Variants in FGF14 observed in about 807,000 individuals in gnomAD.
The protein encoded by FGF14 is fibroblast growth factor homologous factor 4.
In FGF14, 5 loss-of-function variants were observed where a neutral mutation model predicts 25.5. The ratio of observed to expected loss-of-function variants is 0.20; its 90% CI spans 0.10 to 0.41. FGF14 has a LOEUF of 0.41. Among genes scored for constraint, FGF14 ranks in the 10% least tolerant of loss-of-function variants. The pLI is 1.00. For synonymous variants in FGF14, 138 were observed against 118.3 expected (o/e 1.17, Z -1.08); for missense variants, 222 against 320.1 (o/e 0.69, Z 2.34).
intron 3 of FGF14, among the ~76,000 whole-genome samples, chr13:101,855,214 C>T (rs2044063420): frequency 6.6e-6 from 1 of 152,002 alleles, no homozygotes; most frequent in African/African-American, 2.4e-5. Flanking sequence ...TTAACAGTGA[C>T]TCTGGGCTTT....
At chr13:102,077,543 G>A (rs778339825) in intron 1 of FGF14, among the ~76,000 whole-genome samples, 4 of 152,056 alleles carry the variant, frequency 2.6e-5, no homozygotes, top group South Asian at 2.1e-4. Flanking sequence ...AAAAATGTTC[G>A]GCATCACTAA....
chr13:102,293,862 T>C (rs2054556988), intron 1 of FGF14: 1 of 152,194 alleles, frequency 6.6e-6, no homozygotes, highest in South Asian at 2.1e-4. Context: ...ATAACGAATA[T>C]TTTTGGCATC....
At chr13:101,893,781 G>A (rs531449954) in intron 1 of FGF14, among the ~76,000 whole-genome samples, 1 of 152,264 alleles carries the variant, frequency 6.6e-6, no homozygotes, top group Admixed American at 6.5e-5. Flanking sequence ...AGCCTGGCGA[G>A]ATCCACGTCA....
intron 1 of FGF14, among the ~76,000 whole-genome samples, chr13:101,959,499 G>A (rs531133181): frequency 7.2e-5 from 11 of 152,178 alleles, no homozygotes; most frequent in East Asian, 1.9e-4. Flanking sequence ...ACTTTCAGTC[G>A]CATATTTGTT....
intron 1 of FGF14, among the ~76,000 whole-genome samples, chr13:102,276,594 C>G (rs1206443708): frequency 2.0e-5 from 3 of 151,838 alleles, no homozygotes; most frequent in Non-Finnish European, 4.4e-5. Context: ...GTTTGAAAGC[C>G]TTTGGTGCAT....
intron 3 of FGF14, among the ~76,000 whole-genome samples, chr13:101,814,515 A>G (rs903850813): frequency 2.6e-5 from 4 of 152,314 alleles, no homozygotes; most frequent in African/African-American, 7.2e-5. Context: ...CATAACCACA[A>G]TTCAGTTTTA....
chr13:101,922,642 A>G (rs149848445), intron 1 of FGF14, among the ~76,000 whole-genome samples: 2,135 of 152,258 alleles, frequency 0.014, 118 homozygotes, highest in Admixed American at 0.1. Flanking sequence ...TATAAATATT[A>G]AAGTATATAA....
chr13:102,126,549 C>T (rs926573518), intron 1 of FGF14, among the ~76,000 whole-genome samples: 16 of 152,180 alleles, frequency 1.1e-4, no homozygotes, highest in African/African-American at 3.1e-4. Context: ...TATCTGTTTT[C>T]GTCCCTCCTT....
chr13:101,997,952 A>C (rs796152978), intron 1 of FGF14, among the ~76,000 whole-genome samples: 2 of 152,312 alleles, frequency 1.3e-5, no homozygotes, highest in African/African-American at 4.8e-5. Flanking sequence ...AACAGTTACT[A>C]CAGTGAAGCA....
chr13:101,882,150 G>A (rs1219460556), intron 1 of FGF14, among the ~76,000 whole-genome samples: 1 of 151,912 alleles, frequency 6.6e-6, no homozygotes, highest in African/African-American at 2.4e-5. Flanking sequence ...TACGCAGAAT[G>A]ATTCACTTCT....
chr13:101,916,651 C>T lies in FGF14; in HGVS notation c.-6G>A, dbSNP rs1247600678. 2.6e-6 allele frequency: 4 copies of T among 1,544,744 alleles called. No individual in the cohort carries two copies. The Admixed American group carries it at 7.6e-5, about 29-fold the overall frequency. On this transcript the variant is annotated 5_prime_UTR_variant, in exon 1 of 5. Transcript: ENST00000376143. ...CTAGCGATGGCCGCGGCCATGGTGG[C>T]CCCGGGAACGGGTCCGGGGAGGGAG...
intron 3 of FGF14, among the ~76,000 whole-genome samples, chr13:101,728,963 A>G (rs964704105): frequency 7.9e-5 from 12 of 152,074 alleles, no homozygotes; most frequent in Non-Finnish European, 1.6e-4. Context: ...TATTGTCTCC[A>G]TTATGAATTC....
chr13:101,928,167 A>C (rs1029954984), intron 1 of FGF14, among the ~76,000 whole-genome samples: 13 of 152,202 alleles, frequency 8.5e-5, no homozygotes, highest in Non-Finnish European at 5.9e-5. Context: ...TCTGCTGCCC[A>C]GGAGATTTTC....
At chr13:102,033,700 A>G (rs2041329734) in intron 1 of FGF14, among the ~76,000 whole-genome samples, 1 of 152,188 alleles carries the variant, frequency 6.6e-6, no homozygotes, top group African/African-American at 2.4e-5. Context: ...GAGTTATATT[A>G]GGATGCAATG....
intron 4 of FGF14, among the ~76,000 whole-genome samples, chr13:101,725,089 T>C (rs541514914): frequency 1.5e-4 from 23 of 152,152 alleles, no homozygotes; most frequent in African/African-American, 5.3e-4. Context: ...GTTCTAAAAA[T>C]CTAGTCAATT....
chr13:102,070,264 A>G lies in FGF14; in HGVS notation c.209-194968T>C, dbSNP rs546857722. Among the ~76,000 whole-genome samples the G allele has an allele frequency of 1.6e-4, 24 of 152,354 alleles. 1 individual carries two copies. In the East Asian group the frequency reaches 2.1e-3, roughly 13 times the overall value. ...AAAATAAGACATACAAATGACAAAC[A>G]GGTATATGTAAAGGTGGTCAATATC... On this transcript the variant is annotated intron_variant, in intron 1 of 4. Transcript: ENST00000376131.
chr13:102,041,924 C>T (rs2041761852), intron 1 of FGF14, among the ~76,000 whole-genome samples: 1 of 152,124 alleles, frequency 6.6e-6, no homozygotes, highest in Non-Finnish European at 1.5e-5. Context: ...CACAAGTCTC[C>T]TAAGTTCCAT....
intron 1 of FGF14, among the ~76,000 whole-genome samples, chr13:102,059,265 A>G (rs140757764): frequency 6.6e-6 from 1 of 152,328 alleles, no homozygotes; most frequent in Non-Finnish European, 1.5e-5. Context: ...TCAGAACAAT[A>G]CTACCAAGTG....
At chr13:101,930,720 G>C (rs775236563) in intron 1 of FGF14, among the ~76,000 whole-genome samples, 8 of 152,092 alleles carry the variant, frequency 5.3e-5, no homozygotes, top group Non-Finnish European at 1.2e-4. Context: ...CTCACACACA[G>C]AGTTAAACTA....
Sources: allele counts gnomAD v4.1 joint callset (sites outside exome capture counted in the v4.1 genomes callset), GRCh38; gene constraint gnomAD v4.1.1; transcripts MANE v1.5; gene names NCBI Gene and HGNC (gene_info 2026-07-23, HGNC 2026-07-21).